KCND2: variants seen among roughly 807,000 people sequenced by gnomAD.
The protein encoded by KCND2 is A-type voltage-gated potassium channel KCND2.
A neutral mutation model predicts 54.4 loss-of-function variants in KCND2; 16 were observed. That is an observed-to-expected ratio of 0.29 (90% CI 0.20 to 0.45). The LOEUF is 0.45. KCND2 is among the 20% of genes least tolerant of loss of function. KCND2 has a pLI of 1.00. For synonymous variants in KCND2, 317 were observed against 310.7 expected, an observed-to-expected ratio of 1.02 and a Z score of -0.21; for missense variants, 486 against 824.2, an observed-to-expected ratio of 0.59 and a Z score of 5.02.
chr7:120,445,185 A>G (rs1393751651), intron 1 of KCND2, among the ~76,000 whole-genome samples: 3 of 152,306 alleles, frequency 2.0e-5, no homozygotes, highest in African/African-American at 7.2e-5. Context: ...AGTCATATTC[A>G]TAAAACATCT....
chr7:120,608,819 G>T (rs1001276119), intron 1 of KCND2, among the ~76,000 whole-genome samples: 10 of 152,102 alleles, frequency 6.6e-5, no homozygotes, highest in Admixed American at 2.0e-4. Context: ...GGCTGATGTT[G>T]CACGATAGAT....
chr7:120,593,840 C>A (rs1417005334), intron 1 of KCND2, among the ~76,000 whole-genome samples: 1 of 151,998 alleles, frequency 6.6e-6, no homozygotes, highest in African/African-American at 2.4e-5. Flanking sequence ...CCCTTCACTC[C>A]AATTATCCCT....
At chr7:120,415,107 A>G (rs562426294) in intron 1 of KCND2, among the ~76,000 whole-genome samples, 2 of 152,246 alleles carry the variant, frequency 1.3e-5, no homozygotes, top group South Asian at 4.1e-4. Context: ...TACCACTATA[A>G]CTACTTTATA....
intron 1 of KCND2, among the ~76,000 whole-genome samples, chr7:120,554,337 C>G (rs1347582423): frequency 6.6e-6 from 1 of 152,170 alleles, no homozygotes; most frequent in Non-Finnish European, 1.5e-5. Context: ...GGAGGGCTTC[C>G]TAACCACAGG....
intron 1 of KCND2, among the ~76,000 whole-genome samples, chr7:120,329,148 T>C (rs1584732716): frequency 6.8e-6 from 1 of 147,702 alleles, no homozygotes; most frequent in South Asian, 2.2e-4. Context: ...GGAGATGGAG[T>C]TTCACTCTTC....
In KCND2 at chr7:120,289,238, T is replaced by C. The variant is rs144550005; in HGVS notation, c.1115+13491T>C. 5.4e-4 allele frequency among the ~76,000 whole-genome samples: 82 copies of C among 152,186 alleles called. 1 individual carries two copies. Among genetic ancestry groups the C allele is most frequent in the African/African-American group, 1.6e-3 (65 of 41,532 alleles). On this transcript the variant is annotated intron_variant, in intron 1 of 5. Coordinates refer to ENST00000331113, the MANE Select transcript of KCND2 (RefSeq NM_012281.3). ...GATCCCTTGTATGTAAGCTGTGTTA[T>C]GTTTTCATGCTGTCCGCTGACTGTC... is the stretch of plus-strand genomic sequence containing the variant.
At chr7:120,726,586 A>G (rs1184565982) in intron 1 of KCND2, among the ~76,000 whole-genome samples, 1 of 152,238 alleles carries the variant, frequency 6.6e-6, no homozygotes, top group Non-Finnish European at 1.5e-5. Flanking sequence ...TTAAACGCAC[A>G]TAGACGTACA....
chr7:120,542,831 T>C (rs571442876), intron 1 of KCND2, among the ~76,000 whole-genome samples: 2 of 152,218 alleles, frequency 1.3e-5, no homozygotes, highest in Admixed American at 6.6e-5. Flanking sequence ...ATGTAGCAAA[T>C]AGCAACTATT....
chr7:120,719,331 GT>G, intron 1 of KCND2, among the ~76,000 whole-genome samples: 1 of 152,214 alleles, frequency 6.6e-6, no homozygotes, highest in South Asian at 2.1e-4. Context: ...TGATCATGTA[GT>G]GACTGCTCTT....
intron 1 of KCND2, among the ~76,000 whole-genome samples, chr7:120,517,540 C>T (rs1803214095): frequency 6.6e-6 from 1 of 152,034 alleles, no homozygotes; most frequent in Non-Finnish European, 1.5e-5. Flanking sequence ...ACTTACAAGC[C>T]ATGTGACCTT....
chr7:120,482,826 C>G (rs1802626160), intron 1 of KCND2, among the ~76,000 whole-genome samples: 1 of 152,176 alleles, frequency 6.6e-6, no homozygotes, highest in African/African-American at 2.4e-5. Flanking sequence ...GCTAAAACAA[C>G]ACTTTAAGAA....
At chr7:120,582,404 CTG>C (rs1370417339) in intron 1 of KCND2, among the ~76,000 whole-genome samples, 1 of 152,216 alleles carries the variant, frequency 6.6e-6, no homozygotes, top group East Asian at 1.9e-4. Context: ...TATAGTCAAA[CTG>C]TGCTCTCCTT....
chr7:120,288,167 G>A (rs1371387920), intron 1 of KCND2, among the ~76,000 whole-genome samples: 2 of 152,070 alleles, frequency 1.3e-5, no homozygotes, highest in African/African-American at 4.8e-5. Flanking sequence ...AGAGGCAGAA[G>A]ATAATCGACC....
chr7:120,354,851 A>T (rs2116390653), intron 1 of KCND2, among the ~76,000 whole-genome samples: 1 of 152,278 alleles, frequency 6.6e-6, no homozygotes, highest in Middle Eastern at 3.4e-3. Context: ...TCAAAAGAAA[A>T]CCCATAACAT....
chr7:120,321,340 T>A (rs1799890577), intron 1 of KCND2, among the ~76,000 whole-genome samples: 1 of 152,064 alleles, frequency 6.6e-6, no homozygotes. Context: ...TGTTACATTG[T>A]TTAGGCATGT....
intron 1 of KCND2, among the ~76,000 whole-genome samples, chr7:120,513,238 C>T (rs1803146796): frequency 6.6e-6 from 1 of 152,078 alleles, no homozygotes; most frequent in Non-Finnish European, 1.5e-5. Flanking sequence ...AAGCAGGTTT[C>T]GACATATGTA....
chr7:120,472,314 A>G (rs1802468881), intron 1 of KCND2, among the ~76,000 whole-genome samples: 1 of 152,026 alleles, frequency 6.6e-6, no homozygotes, highest in South Asian at 2.1e-4. Flanking sequence ...CTTGCTAAAA[A>G]GAAAATGCTG....
intron 1 of KCND2, among the ~76,000 whole-genome samples, chr7:120,333,821 A>C (rs1033990294): frequency 5.3e-5 from 8 of 152,146 alleles, no homozygotes; most frequent in African/African-American, 1.9e-4. Context: ...TCAGTATTAC[A>C]CTGTGGCATG....
intron 1 of KCND2, among the ~76,000 whole-genome samples, chr7:120,312,167 A>G (rs1282698374): frequency 6.6e-6 from 1 of 152,118 alleles, no homozygotes; most frequent in Non-Finnish European, 1.5e-5. Context: ...TCGGCCTCCC[A>G]AAATGCTGGG....
Sources: allele counts gnomAD v4.1 joint callset (sites outside exome capture counted in the v4.1 genomes callset), GRCh38; gene constraint gnomAD v4.1.1; transcripts MANE v1.5; gene names NCBI Gene and HGNC (gene_info 2026-07-23, HGNC 2026-07-21).